The following EFCAB5 variants were observed in gnomAD, a reference collection of about 807,000 sequenced individuals.
The protein encoded by EFCAB5 is EF-hand calcium-binding domain-containing protein 5.
In EFCAB5, 131 loss-of-function variants were observed where a neutral mutation model predicts 167.9. That is an observed-to-expected ratio of 0.78 (90% CI 0.68 to 0.90). EFCAB5 has a LOEUF of 0.90. Ranked by LOEUF, EFCAB5 falls within the 40% of genes least tolerant of loss-of-function variation. The pLI, the probability that EFCAB5 is intolerant of heterozygous loss-of-function variation, is 0.00. For synonymous variants in EFCAB5, 574 were observed against 602.8 expected (o/e 0.95, Z 0.70); for missense variants, 1,663 against 1,745.2 (o/e 0.95, Z 0.84).
chr17:29,938,471 C>A (rs2067263626), upstream of EFCAB5, among the ~76,000 whole-genome samples: 1 of 152,112 alleles, frequency 6.6e-6, no homozygotes, highest in Non-Finnish European at 1.5e-5. Context: ...ATTGAGTTTG[C>A]CACATTGATT....
chr17:30,028,180 ATTGT>A (rs1193905770), intron 7 of EFCAB5, among the ~76,000 whole-genome samples: 1 of 152,078 alleles, frequency 6.6e-6, no homozygotes, highest in Non-Finnish European at 1.5e-5. Context: ...TCCTTATGGG[ATTGT>A]TTAATATCAG....
In EFCAB5 at chr17:29,934,783, G is replaced by A. The variant is rs79639960; in HGVS notation, c.-127+5454G>A. ...GTGGGACCATGGGCATACTAGGGTG[G>A]GTATTCACACCCTGATTTTGGGGGG... On this transcript the variant is annotated intron_variant, in intron 1 of 3. Transcript: ENST00000448319. 6.0e-4 allele frequency among the ~76,000 whole-genome samples: 91 copies of A among 152,164 alleles called. 1 individual carries two copies. In the East Asian group the frequency reaches 0.015, roughly 26 times the overall value.
chr17:30,059,463 CT>C, intron 13 of EFCAB5, 81 bp from the exon 14 acceptor site: 7 of 1,406,324 alleles, frequency 5.0e-6, no homozygotes, highest in Admixed American at 2.4e-5. Context: ...AGACGCTGGA[CT>C]TTTTTTGGAA....
At chr17:30,107,396 T>C (rs7223863) in intron 22 of EFCAB5, among the ~76,000 whole-genome samples, 2,038 of 152,228 alleles carry the variant, frequency 0.013, 40 homozygotes, top group African/African-American at 0.047. Context: ...CTATCTTTCC[T>C]CGATCCCACT....
chr17:30,078,396 G>A lies in EFCAB5; in HGVS notation c.2919G>A (p.Leu973=), dbSNP rs1597778077. 1 of 1,614,010 alleles carries A rather than the reference G, an allele frequency of 6.2e-7. No homozygotes were observed. ...NALERSHIES[L]RNSARRKWLH... ...TAGAGAGGAGCCACATTGAGAGTCT[G>A]AGGAATTCTGCCAGGCGGAAATGGC... Residue 973 remains leucine, a synonymous_variant, in exon 15 of 23, where the codon CTG becomes CTA. Transcript: ENST00000394835.
chr17:30,068,770 A>G lies in EFCAB5; in HGVS notation c.2737+9069A>G, dbSNP rs549442809. 1.4e-5 allele frequency: 19 copies of G among 1,376,348 alleles called. No individual in the cohort carries two copies. The African/African-American group carries it at 2.7e-4, about 20-fold the overall frequency. 85.3% of individuals were successfully genotyped at this position (1,376,348 alleles called of 1,614,324 possible). A position where few individuals can be genotyped will look rare whatever the true frequency, so the allele number is the denominator to read the frequency against. On this transcript the variant is annotated intron_variant, in intron 14 of 22. Transcript: ENST00000394835. ...CCGCAGGAGTCCCTGGCCCAAGGGC[A>G]ACTTCTCCAGCCGGGCCCGCGAAAT... is the stretch of plus-strand genomic sequence containing the variant.
At position 29,933,436 on chromosome 17, in the gene EFCAB5, C is replaced by T. The variant is rs2067219382; in HGVS notation, c.-127+4107C>T. On this transcript the variant is annotated intron_variant, in intron 1 of 3. Transcript: ENST00000448319. ...GGCTCCACCCTGGTTCCTCCTAGGT[C>T]TTCTGGTGAACTGAGAGAGGAGATA... Among the ~76,000 whole-genome samples the T allele has an allele frequency of 5.9e-5, 9 of 152,186 alleles. No homozygotes were observed. The South Asian group carries it at 1.9e-3, about 32-fold the overall frequency.
intron 7 of EFCAB5, among the ~76,000 whole-genome samples, chr17:30,027,288 C>G (rs1480804521): frequency 6.8e-6 from 1 of 146,128 alleles, no homozygotes; most frequent in South Asian, 2.2e-4. Flanking sequence ...CCCAGCCACA[C>G]CAGTCTTTTT....
intron 13 of EFCAB5, 116 bp downstream of exon 13, chr17:30,058,006 T>C (rs923430376): frequency 4.6e-6 from 4 of 877,096 alleles, no homozygotes; most frequent in Non-Finnish European, 6.9e-6. Context: ...AACTGATCAC[T>C]TTCTTTCAAC....
intron 15 of EFCAB5, among the ~76,000 whole-genome samples, chr17:30,079,158 G>A (rs761265595): frequency 5.3e-5 from 8 of 152,144 alleles, no homozygotes; most frequent in Non-Finnish European, 1.0e-4. Context: ...GCTAAATAGC[G>A]ATACTTGCTC....
At chr17:30,069,572 A>T in intron 14 of EFCAB5, 2 of 1,613,224 alleles carry the variant, frequency 1.2e-6, no homozygotes, top group Non-Finnish European at 1.7e-6. Context: ...CCGCGTATGG[A>T]TCCTCTTCTT....
intron 19 of EFCAB5, among the ~76,000 whole-genome samples, chr17:30,089,231 AG>A (rs751135073): frequency 2.0e-5 from 3 of 152,108 alleles, no homozygotes; most frequent in Admixed American, 1.3e-4. Flanking sequence ...ATGTCTTTGG[AG>A]GAAGTCAGTT....
intron 7 of EFCAB5, among the ~76,000 whole-genome samples, chr17:30,026,961 C>CTTTTTTTTTTT (rs71138868): frequency 1.5e-5 from 1 of 64,550 alleles, no homozygotes; most frequent in Non-Finnish European, 2.9e-5. Flanking sequence ...CTCCTTGTAC[C>CTTTTTTTTTTT]TTTTTTTTTT....
chr17:30,055,328 GGA>G (rs1324023056), intron 10 of EFCAB5, among the ~76,000 whole-genome samples: 2 of 83,512 alleles, frequency 2.4e-5, no homozygotes, highest in Non-Finnish European at 5.3e-5. Context: ...GAGAGAGGAA[GGA>G]AGGAAGGAAG....
chr17:30,011,869 A>G (rs1358017800), intron 7 of EFCAB5, among the ~76,000 whole-genome samples: 1 of 152,222 alleles, frequency 6.6e-6, no homozygotes, highest in Non-Finnish European at 1.5e-5. Context: ...ATATAAAACA[A>G]GAATAGTTAT....
chr17:29,978,482 A>G (rs2068105055), intron 4 of EFCAB5, among the ~76,000 whole-genome samples: 1 of 152,198 alleles, frequency 6.6e-6, no homozygotes, highest in Non-Finnish European at 1.5e-5. Flanking sequence ...CCATTATTAA[A>G]TACTTAAGAA....
Position 30,056,048 on chromosome 17 carries a change from G to C in EFCAB5, c.2273-16G>C. The C allele has an allele frequency of 1.2e-6, 2 of 1,613,052 alleles. No individual in the cohort carries two copies. The highest frequency in any genetic ancestry group is 1.7e-6 in the Non-Finnish European group (2 of 1,179,384). Reference sequence around the variant, plus strand: ...GCGAAGTTTGATTGGCTATGTTATGGAATGTGTTTTTACAGGTGAATTTTT... The same window carrying C: ...GCGAAGTTTGATTGGCTATGTTATGCAATGTGTTTTTACAGGTGAATTTTT... On this transcript the variant is annotated splice_polypyrimidine_tract_variant and intron_variant, in intron 11 of 22. Coordinates refer to ENST00000394835, the MANE Select transcript of EFCAB5 (RefSeq NM_198529.4).
At chr17:30,070,358 T>C (rs1409249048) in intron 14 of EFCAB5, among the ~76,000 whole-genome samples, 1 of 152,166 alleles carries the variant, frequency 6.6e-6, no homozygotes, top group African/African-American at 2.4e-5. Context: ...AAAATTCATA[T>C]GGTATCACAA....
chr17:29,945,072 A>G (rs1034686539), intron 3 of EFCAB5, among the ~76,000 whole-genome samples: 8 of 152,222 alleles, frequency 5.3e-5, no homozygotes, highest in Admixed American at 3.9e-4. Context: ...AAAAAAGTAG[A>G]GAAGACATTC....
Sources: gnomAD v4.1 joint callset for allele counts (sites outside exome capture counted in the v4.1 genomes callset) on GRCh38, gnomAD v4.1.1 for gene constraint, MANE v1.5 for transcripts, NCBI Gene and HGNC (gene_info 2026-07-23, HGNC 2026-07-21) for gene names.